TNFRSF1A: variants seen among roughly 807,000 people sequenced by gnomAD.
TNFRSF1A encodes TNF receptor superfamily member 1A.
In TNFRSF1A, 9 loss-of-function variants were observed where a neutral mutation model predicts 41.6. That is an observed-to-expected ratio of 0.22 (90% CI 0.13 to 0.38). The LOEUF (loss-of-function observed/expected upper bound fraction) is 0.38. TNFRSF1A is among the 10% of genes least tolerant of loss of function. The probability of loss-of-function intolerance (pLI) is 1.00; values close to 1 mark genes in which losing one functional copy is unlikely to be tolerated. For synonymous variants in TNFRSF1A, 254 were observed against 248.6 expected, an observed-to-expected ratio of 1.02 and a Z score of -0.21; for missense variants, 463 against 591.5, an observed-to-expected ratio of 0.78 and a Z score of 2.25.
intron 9 of TNFRSF1A, 58 bp downstream of exon 9, chr12:6,329,720 C>G: frequency 6.5e-7 from 1 of 1,549,308 alleles, no homozygotes; most frequent in Non-Finnish European, 8.7e-7. Context: ...GGGAGCGCCT[C>G]CCGCGCTCCC....
chr12:6,329,495 G>A lies in TNFRSF1A; in HGVS notation c.1185C>T (p.Cys395=), dbSNP rs746899020. 8 of 1,594,924 alleles carry A rather than the reference G, an allele frequency of 5.0e-6. No homozygotes were observed. Among genetic ancestry groups the A allele is most frequent in the African/African-American group, 1.3e-5 (1 of 74,826 alleles). Residue 395 remains cysteine, a synonymous_variant, in exon 10 of 10, where the codon TGC becomes TGT. Transcript: ENST00000162749. ...GCATGCTGTATTGCGCCTCGCGCAG[G>A]CAGCGCCCGTTCTGCAGCTCCAGCC... is the stretch of plus-strand genomic sequence containing the variant. ...IDRLELQNGR[C]LREAQYSMLA...
chr12:6,330,562 C>G, intron 7 of TNFRSF1A, 36 bp downstream of exon 7: 1 of 1,513,592 alleles, frequency 6.6e-7, no homozygotes, highest in Non-Finnish European at 9.2e-7. Context: ...CCCTCACCCC[C>G]ACCAGCTCCC....
At chr12:6,332,000 C>CA (rs750532640) in intron 5 of TNFRSF1A, 16,995 of 78,616 alleles carry the variant, frequency 0.22, 3,131 homozygotes, top group African/African-American at 0.44. Flanking sequence ...GACTCTGTGT[C>CA]AAAAAAAAAA....
intron 1 of TNFRSF1A, among the ~76,000 whole-genome samples, chr12:6,335,561 G>A (rs1290636039): frequency 6.6e-6 from 1 of 152,154 alleles, no homozygotes; most frequent in Admixed American, 6.5e-5. Context: ...GCTCTAACTT[G>A]GACTTTGATC....
intron 5 of TNFRSF1A, among the ~76,000 whole-genome samples, chr12:6,332,361 C>A (rs556051896): frequency 2.7e-4 from 41 of 150,386 alleles, no homozygotes; most frequent in African/African-American, 9.8e-4. Context: ...ATGGCTTGAG[C>A]CCTGGAGGTG....
rs984916569 is a variant in TNFRSF1A at position 6,341,720 on chromosome 12, C to T, written c.39+56G>A. 1.5e-5 allele frequency: 24 copies of T among 1,607,474 alleles called. No homozygotes were observed. Among genetic ancestry groups the T allele is most frequent in the Non-Finnish European group, 2.0e-5 (24 of 1,176,466 alleles). ...GGCCCCCTCCCGGAGAGGGCCCACGCCAGCCGGAAGGTGCCTCGCCCACCA... is the reference window on the plus strand; with the variant it reads ...GGCCCCCTCCCGGAGAGGGCCCACGTCAGCCGGAAGGTGCCTCGCCCACCA... On this transcript the variant is annotated intron_variant, in intron 1 of 9. Coordinates refer to ENST00000162749, the MANE Select transcript of TNFRSF1A (RefSeq NM_001065.4). The surrounding 1 kb of genome is among the most constrained non-coding windows in gnomAD (Gnocchi z 4.6).
intron 9 of TNFRSF1A, 75 bp from the exon 10 acceptor site, chr12:6,329,697 C>G (rs1288700633): frequency 5.9e-6 from 9 of 1,521,572 alleles, no homozygotes; most frequent in South Asian, 4.9e-5. Context: ...CTCCGCCTCT[C>G]GTGGTCCCCT....
chr12:6,333,964 G>C lies in TNFRSF1A; in HGVS notation c.194-99C>G. 1 of 1,609,814 alleles carries C rather than the reference G, an allele frequency of 6.2e-7. No homozygotes were observed. The highest frequency in any genetic ancestry group is 8.5e-7 in the Non-Finnish European group (1 of 1,177,310). On this transcript the variant is annotated intron_variant, in intron 2 of 9. Transcript: ENST00000162749. This position sits in a 1 kb window ranked among gnomAD's most constrained non-coding sequence, Gnocchi z 6.3. ...AGGGCCGATTCCCTGAAGTCTCTAG[G>C]AGAGGAGGGAGGGAGAAAATCCCAG...
rs1350150713 is a variant in TNFRSF1A, at chr12:6,329,433, G to C, written c.1247C>G (p.Ala416Gly). Residue 416 changes from alanine to glycine, a missense_variant, in exon 10 of 10, where the codon GCC becomes GGC. Physicochemically the swap from Ala to Gly is moderately conservative, Grantham distance 60. Around this residue, in one of 4 missense-constraint regions of TNFRSF1A, gnomAD observed 277 missense variants for 288.8 expected, o/e 0.96. Transcript: ENST00000162749. ...TWRRRTPRREATLELLGRVLR... is the reference protein window; with the variant it reads ...TWRRRTPRREGTLELLGRVLR... Reference sequence around the variant, plus strand: ...CACGCGTCCCAGCAGCTCCAGCGTGGCCTCGCGCCGCGGCGTGCGCCGCCT... The same window carrying C: ...CACGCGTCCCAGCAGCTCCAGCGTGCCCTCGCGCCGCGGCGTGCGCCGCCT... The C allele has an allele frequency of 1.3e-6, 2 of 1,584,666 alleles. No homozygotes were observed. Among genetic ancestry groups the C allele is most frequent in the Non-Finnish European group, 1.7e-6 (2 of 1,172,382 alleles).
chr12:6,330,443 T>C, intron 7 of TNFRSF1A, 148 bp from the exon 8 acceptor site: 1 of 1,021,840 alleles, frequency 9.8e-7, no homozygotes, highest in Non-Finnish European at 1.5e-6. Flanking sequence ...CAGCTCGACA[T>C]CTCCCCAGCC....
Position 6,333,790 on chromosome 12 carries a change from G to A in TNFRSF1A, c.269C>T (p.Thr90Ile), listed in dbSNP as rs34751757. The A allele has an allele frequency of 1.9e-4, 295 of 1,583,076 alleles. 2 individuals carry two copies. In the East Asian group the frequency reaches 6.7e-3, roughly 36 times the overall value. Reference sequence around the variant, plus strand: ...GTGTCTGAGGTGGTTTTCTGAAGCGGTGAAGGAGCCGCTCTCACACTCCCT... The same window carrying A: ...GTGTCTGAGGTGGTTTTCTGAAGCGATGAAGGAGCCGCTCTCACACTCCCT... ...DCRECESGSF[T>I]ASENHLRHCL... Residue 90 changes from threonine to isoleucine, a missense_variant, in exon 3 of 10, where the codon ACC becomes ATC. Transcript: ENST00000162749. The surrounding 1 kb of genome is among the most constrained non-coding windows in gnomAD (Gnocchi z 6.3).
Position 6,341,925 on chromosome 12 carries a change from G to A in TNFRSF1A, c.-111C>T. ...TGTCCAGGACGTCCCAAGTGCCTTGGGGTGACAGTTGAGGGTTGAGACTCG... is the reference window on the plus strand; with the variant it reads ...TGTCCAGGACGTCCCAAGTGCCTTGAGGTGACAGTTGAGGGTTGAGACTCG... On this transcript the variant is annotated 5_prime_UTR_variant, in exon 1 of 10. Transcript: ENST00000162749. This position sits in a 1 kb window ranked among gnomAD's most constrained non-coding sequence, Gnocchi z 4.6. 8.3e-7 allele frequency: 1 copy of A among 1,203,922 alleles called. No homozygotes were observed. The highest frequency in any genetic ancestry group is 1.8e-5 in the Admixed American group (1 of 56,728). The allele number at this position is 1,203,922 out of a possible 1,614,324, so 74.6% of individuals were successfully genotyped here.
At position 6,334,080 on chromosome 12, in the gene TNFRSF1A, C is replaced by T. The variant is rs1948087578; in HGVS notation, c.193+11G>A. 2 of 1,614,210 alleles carry T rather than the reference C, an allele frequency of 1.2e-6. No individual in the cohort carries two copies. The highest frequency in any genetic ancestry group is 1.7e-6 in the Non-Finnish European group (2 of 1,180,046). ...GACCTGAGGGCATTCACCGTTTCCA[C>T]TTGCCCCTACCTTTGTGGCACTTGG... On this transcript the variant is annotated intron_variant, in intron 2 of 9. Transcript: ENST00000162749. This position sits in a 1 kb window ranked among gnomAD's most constrained non-coding sequence, Gnocchi z 5.1.
chr12:6,335,953 G>A (rs751744394), intron 1 of TNFRSF1A, among the ~76,000 whole-genome samples: 11 of 152,220 alleles, frequency 7.2e-5, no homozygotes, highest in African/African-American at 1.4e-4. Context: ...TCCCCTGCCC[G>A]CACCAGCCAA....
In TNFRSF1A at chr12:6,333,448, G is replaced by C. The variant is rs1482079303; in HGVS notation, c.391C>G (p.Gln131Glu). 6.2e-7 allele frequency: 1 copy of C among 1,614,112 alleles called. No individual in the cohort carries two copies. Among genetic ancestry groups the C allele is most frequent in the Admixed American group, 1.7e-5 (1 of 60,012 alleles). ...RDTVCGCRKN[Q>E]YRHYWSENLF... ...TTTTCACTCCAATAATGCCGGTACTGGTTCTTCCTGCAGCCACACACGGTG... is the reference window on the plus strand; with the variant it reads ...TTTTCACTCCAATAATGCCGGTACTCGTTCTTCCTGCAGCCACACACGGTG... The change falls in exon 4 of 10, where the codon CAG becomes GAG. Residue 131 changes from glutamine (Q) to glutamate (E), a missense_variant. Gln to Glu is a conservative substitution (Grantham distance 29). Around this residue, in one of 4 missense-constraint regions of TNFRSF1A, gnomAD observed 149 missense variants for 239.4 expected, o/e 0.62. Coordinates refer to ENST00000162749, the MANE Select transcript of TNFRSF1A (RefSeq NM_001065.4). The surrounding 1 kb of genome is among the most constrained non-coding windows in gnomAD (Gnocchi z 6.3).
intron 6 of TNFRSF1A, 57 bp from the exon 7 acceptor site, chr12:6,330,768 G>C: frequency 6.3e-7 from 1 of 1,576,786 alleles, no homozygotes; most frequent in Middle Eastern, 1.7e-4. Context: ...CGCAGGGATA[G>C]ATGGATGGGT....
rs1310037863 is a variant in TNFRSF1A, at chr12:6,333,545, TCCTGCATCCTCCTGTC to T, written c.323-45_323-30del. 11 of 1,613,676 alleles carry T rather than the reference TCCTGCATCCTCCTGTC, an allele frequency of 6.8e-6. No homozygotes were observed. The highest frequency in any genetic ancestry group is 9.3e-6 in the Non-Finnish European group (11 of 1,179,852). On this transcript the variant is annotated intron_variant, in intron 3 of 9. Transcript: ENST00000162749. This position sits in a 1 kb window ranked among gnomAD's most constrained non-coding sequence, Gnocchi z 6.3. ...GTGAGGGGAGAAGATGGGGTATGAG[TCCTGCATCCTCCTGTC>T]CCTGCATCCCCTTCCTGACATACCC...
intron 1 of TNFRSF1A, among the ~76,000 whole-genome samples, chr12:6,340,030 C>T (rs540794682): frequency 9.2e-5 from 14 of 152,308 alleles, no homozygotes; most frequent in African/African-American, 3.1e-4. Flanking sequence ...AGGCACTTCC[C>T]TTTACCTGTT....
At chr12:6,340,253 A>G (rs1185953888) in intron 1 of TNFRSF1A, among the ~76,000 whole-genome samples, 1 of 152,226 alleles carries the variant, frequency 6.6e-6, no homozygotes, top group Non-Finnish European at 1.5e-5. Flanking sequence ...TAATAAATCA[A>G]ATGAACACTT....
Sources: allele counts gnomAD v4.1 joint callset (sites outside exome capture counted in the v4.1 genomes callset), GRCh38; gene constraint gnomAD v4.1.1; regional missense constraint gnomAD v4.1.1; non-coding constraint Gnocchi (gnomAD v3.1); transcripts MANE v1.5; gene names NCBI Gene and HGNC (gene_info 2026-07-23, HGNC 2026-07-21).